Variants in MAML3 observed in about 807,000 individuals in gnomAD.
MAML3 encodes the protein mastermind like transcriptional coactivator 3.
MAML3 carries 27 observed loss-of-function variants against 101.9 expected under a neutral mutation model. The ratio of observed to expected loss-of-function variants is 0.27; its 90% confidence interval spans 0.20 to 0.37. The LOEUF (loss-of-function observed/expected upper bound fraction) is 0.37, where lower values mean the gene tolerates loss of function less well. Among genes scored for constraint, MAML3 ranks in the 10% least tolerant of loss-of-function variants. The probability of loss-of-function intolerance (pLI) is 1.00; values close to 1 mark genes in which losing one functional copy is unlikely to be tolerated. For missense variants in MAML3, 1,316 were observed against 1,444.9 expected (o/e 0.91, Z 1.45); for synonymous variants, 501 against 555.9 (o/e 0.90, Z 1.39).
At chr4:140,084,940 G>T (rs115766896) in intron 1 of MAML3, among the ~76,000 whole-genome samples, 1 of 151,952 alleles carries the variant, frequency 6.6e-6, no homozygotes, top group Admixed American at 6.6e-5. Flanking sequence ...ACATCGGGGG[G>T]CGGCAGGGGA....
At chr4:139,836,290 A>C (rs1347840815) in intron 2 of MAML3, among the ~76,000 whole-genome samples, 1 of 152,170 alleles carries the variant, frequency 6.6e-6, no homozygotes, top group African/African-American at 2.4e-5. Context: ...CTCCTCAATC[A>C]ATTTGTCTGT....
chr4:139,905,616 C>T (rs1225101192), intron 1 of MAML3, among the ~76,000 whole-genome samples: 1 of 151,618 alleles, frequency 6.6e-6, no homozygotes, highest in Non-Finnish European at 1.5e-5. Context: ...GTGGCTCAAA[C>T]AACATACATT....
chr4:139,918,938 C>T (rs1317406225), intron 1 of MAML3, among the ~76,000 whole-genome samples: 1 of 152,100 alleles, frequency 6.6e-6, no homozygotes, highest in Non-Finnish European at 1.5e-5. Flanking sequence ...AAGAAGCACA[C>T]AAATGTAATT....
chr4:140,118,329 T>A (rs1238040368), intron 1 of MAML3, among the ~76,000 whole-genome samples: 2 of 149,718 alleles, frequency 1.3e-5, no homozygotes, highest in African/African-American at 5.1e-5. Context: ...TCTTCATCTG[T>A]ATATATATAT....
At chr4:140,142,866 A>G (rs1220744029) in intron 1 of MAML3, among the ~76,000 whole-genome samples, 1 of 152,182 alleles carries the variant, frequency 6.6e-6, no homozygotes, top group Non-Finnish European at 1.5e-5. Context: ...GTGTCAAGCC[A>G]TGATCATGAT....
intron 1 of MAML3, among the ~76,000 whole-genome samples, chr4:139,998,276 T>A (rs181021991): frequency 6.6e-6 from 1 of 152,338 alleles, no homozygotes; most frequent in African/African-American, 2.4e-5. Context: ...GAATATGCTG[T>A]TGGACCACCT....
chr4:139,864,812 G>C (rs75220313), intron 2 of MAML3, among the ~76,000 whole-genome samples: 1 of 149,918 alleles, frequency 6.7e-6, no homozygotes, highest in Admixed American at 6.7e-5. Context: ...ACAATGTTAC[G>C]CAGAATTATA....
intron 1 of MAML3, among the ~76,000 whole-genome samples, chr4:140,034,625 A>G (rs1392199933): frequency 6.6e-6 from 1 of 152,210 alleles, no homozygotes; most frequent in African/African-American, 2.4e-5. Flanking sequence ...AAGAGCACTG[A>G]GATCTGGAAT....
intron 1 of MAML3, among the ~76,000 whole-genome samples, chr4:140,087,374 C>T (rs1315418679): frequency 6.6e-6 from 1 of 152,204 alleles, no homozygotes; most frequent in Non-Finnish European, 1.5e-5. Context: ...GCAATATTTG[C>T]CTTGACATTC....
At chr4:139,769,710 G>A (rs1729937156) in intron 2 of MAML3, among the ~76,000 whole-genome samples, 1 of 151,910 alleles carries the variant, frequency 6.6e-6, no homozygotes, top group African/African-American at 2.4e-5. Context: ...CCGCCTCTTG[G>A]GTTCAAGCCA....
At chr4:139,910,886 A>ATATTAGT (rs1393297151) in intron 1 of MAML3, among the ~76,000 whole-genome samples, 1 of 152,202 alleles carries the variant, frequency 6.6e-6, no homozygotes, top group Non-Finnish European at 1.5e-5. Context: ...TGTGGTTAAA[A>ATATTAGT]TATTAGTAAA....
chr4:140,039,156 C>T (rs151069337), intron 1 of MAML3, among the ~76,000 whole-genome samples: 11 of 152,146 alleles, frequency 7.2e-5, no homozygotes, highest in African/African-American at 2.4e-4. Context: ...TAAATTAAGG[C>T]AAATTAAACA....
intron 2 of MAML3, among the ~76,000 whole-genome samples, chr4:139,822,389 G>A (rs573447213): frequency 6.6e-6 from 1 of 152,208 alleles, no homozygotes; most frequent in African/African-American, 2.4e-5. Flanking sequence ...TTAATGCTGA[G>A]TTTCTGGGGT....
At chr4:139,888,933 C>A (rs1368835571) in intron 2 of MAML3, among the ~76,000 whole-genome samples, 2 of 152,200 alleles carry the variant, frequency 1.3e-5, no homozygotes, top group African/African-American at 2.4e-5. Flanking sequence ...CTGAAGGCTG[C>A]TCAGGGCCTT....
intron 1 of MAML3, among the ~76,000 whole-genome samples, chr4:140,143,137 T>C (rs1382310239): frequency 6.6e-6 from 1 of 152,220 alleles, no homozygotes; most frequent in East Asian, 1.9e-4. Flanking sequence ...AGACAACAAA[T>C]ACCATTTCAT....
At chr4:140,041,513 G>T (rs1156688511) in intron 1 of MAML3, among the ~76,000 whole-genome samples, 1 of 152,072 alleles carries the variant, frequency 6.6e-6, no homozygotes, top group Non-Finnish European at 1.5e-5. Flanking sequence ...AATCTCAGCT[G>T]CTCGGGAGGC....
chr4:140,059,545 AT>A (rs1453204123), intron 1 of MAML3, among the ~76,000 whole-genome samples: 7 of 152,216 alleles, frequency 4.6e-5, no homozygotes, highest in Non-Finnish European at 1.0e-4. Flanking sequence ...TATTAAGGAG[AT>A]TTTAAAAATA....
chr4:140,118,996 T>A (rs72714241), intron 1 of MAML3, among the ~76,000 whole-genome samples: 32,140 of 152,132 alleles, frequency 0.21, 4,149 homozygotes, highest in East Asian at 0.32. Context: ...TGTAGGCTTG[T>A]TAGCCAGGGG....
chr4:140,032,019 C>A (rs1307641098), intron 1 of MAML3, among the ~76,000 whole-genome samples: 1 of 152,158 alleles, frequency 6.6e-6, no homozygotes, highest in Admixed American at 6.5e-5. Context: ...AAATAGCAAC[C>A]ACTAAATAAA....
Sources: gnomAD v4.1 joint callset for allele counts (sites outside exome capture counted in the v4.1 genomes callset) on GRCh38, gnomAD v4.1.1 for gene constraint, MANE v1.5 for transcripts, NCBI Gene and HGNC (gene_info 2026-07-23, HGNC 2026-07-21) for gene names.